METTL8: variants seen among roughly 807,000 people sequenced by gnomAD.
METTL8 encodes methyltransferase 8, tRNA N3-cytidine, also known as tRNA N(3)-cytidine methyltransferase METTL8, mitochondrial.
A neutral mutation model predicts 48.7 loss-of-function variants in METTL8; 32 were observed. The observed-to-expected ratio is 0.66, with a 90% CI of 0.50 to 0.88. METTL8 has a LOEUF of 0.88. METTL8 is among the 40% of genes least tolerant of loss of function. METTL8 has a pLI of 0.00. For missense variants in METTL8, 464 were observed against 474.4 expected (o/e 0.98, Z 0.20); for synonymous variants, 136 against 157.1 (o/e 0.87, Z 1.01).
Position 171,355,476 on chromosome 2 carries a change from C to A in METTL8, c.235+4946G>T, listed in dbSNP as rs531290197. Among the ~76,000 whole-genome samples, 6 of 152,246 alleles carry A rather than the reference C, an allele frequency of 3.9e-5. No individual in the cohort carries two copies. The South Asian group carries it at 1.0e-3, about 26-fold the overall frequency. Reference sequence around the variant, plus strand: ...GATCTCAAACTCTGTGCTGGGAGAACCACTACTCTCTTCAAAGCTGTCAGA... The same window carrying A: ...GATCTCAAACTCTGTGCTGGGAGAAACACTACTCTCTTCAAAGCTGTCAGA... On this transcript the variant is annotated intron_variant, in intron 3 of 9. Transcript: ENST00000375258.
chr2:171,416,350 T>C (rs1415775205), intron 1 of METTL8, among the ~76,000 whole-genome samples: 1 of 152,212 alleles, frequency 6.6e-6, no homozygotes, highest in Non-Finnish European at 1.5e-5. Context: ...CTTTGTATTC[T>C]CCAGCTAATT....
intron 3 of METTL8, among the ~76,000 whole-genome samples, chr2:171,350,229 C>T (rs1000609995): frequency 1.3e-5 from 2 of 152,094 alleles, no homozygotes; most frequent in Non-Finnish European, 2.9e-5. Context: ...TTTCTGTCCT[C>T]GCGACAGTTT....
In METTL8 at chr2:171,378,670, C is replaced by T. The variant is rs2105522651; in HGVS notation, c.143+13373G>A. 1.3e-5 allele frequency among the ~76,000 whole-genome samples: 2 copies of T among 152,032 alleles called. 1 individual carries two copies. Among genetic ancestry groups the T allele is most frequent in the South Asian group, 4.2e-4 (2 of 4,808 alleles). ...AAAAAATAAAAAAAGAAGGGTATTA[C>T]ATAATGGTAAAGGGATCAATTCACA... On this transcript the variant is annotated intron_variant, in intron 2 of 9. Transcript: ENST00000375258.
rs1240100802 is a variant in METTL8, at chr2:171,316,604, T to G, written c.*7568A>C. ...AGAGAGTGGTGGATTAAGAATATAT[T>G]CATGGAAAGGATAGATCTTCCTTGC... On this transcript the variant is annotated 3_prime_UTR_variant, in exon 10 of 10. Transcript: ENST00000375258. Among the ~76,000 whole-genome samples the G allele has an allele frequency of 2.0e-5, 3 of 152,214 alleles. No individual in the cohort carries two copies. Among genetic ancestry groups the G allele is most frequent in the Admixed American group, 6.5e-5 (1 of 15,286 alleles).
chr2:171,395,461 A>C (rs1688967868), intron 1 of METTL8, among the ~76,000 whole-genome samples: 1 of 152,244 alleles, frequency 6.6e-6, no homozygotes, highest in Non-Finnish European at 1.5e-5. Context: ...TTTATAAGGC[A>C]AGCACTTTAA....
chr2:171,389,031 AGTT>A (rs940347697), intron 2 of METTL8, among the ~76,000 whole-genome samples: 12 of 152,188 alleles, frequency 7.9e-5, no homozygotes, highest in Admixed American at 7.9e-4. Context: ...AAATGAGGCC[AGTT>A]GATTACCCTA....
intron 2 of METTL8, among the ~76,000 whole-genome samples, chr2:171,379,454 A>G (rs1184266498): frequency 6.6e-6 from 1 of 152,200 alleles, no homozygotes; most frequent in Non-Finnish European, 1.5e-5. Context: ...CCTTAAAAAA[A>G]AAAATCAATG....
At chr2:171,327,746 G>T (rs1685100947) in intron 7 of METTL8, among the ~76,000 whole-genome samples, 2 of 152,104 alleles carry the variant, frequency 1.3e-5, no homozygotes, top group Admixed American at 1.3e-4. Flanking sequence ...AAAGAAAAAA[G>T]AAACGTATTT....
chr2:171,410,164 C>A (rs1010603778), intron 1 of METTL8, among the ~76,000 whole-genome samples: 3 of 152,160 alleles, frequency 2.0e-5, no homozygotes, highest in African/African-American at 7.2e-5. Flanking sequence ...CGGTCTTATT[C>A]CTACGCTCAT....
At chr2:171,327,873 A>G (rs1384674626) in intron 7 of METTL8, among the ~76,000 whole-genome samples, 1 of 152,244 alleles carries the variant, frequency 6.6e-6, no homozygotes, top group African/African-American at 2.4e-5. Context: ...TATTTTACGT[A>G]CATAGCAAAA....
intron 3 of METTL8, among the ~76,000 whole-genome samples, chr2:171,350,292 T>G (rs1683759737): frequency 6.6e-6 from 1 of 152,268 alleles, no homozygotes; most frequent in Non-Finnish European, 1.5e-5. Context: ...GGACATGAAC[T>G]CATCCTTTTT....
At chr2:171,345,471 T>C (rs1687175308) in intron 3 of METTL8, among the ~76,000 whole-genome samples, 2 of 152,178 alleles carry the variant, frequency 1.3e-5, no homozygotes, top group Admixed American at 6.6e-5. Context: ...ATTCATTGTC[T>C]AATAAAAGAA....
At chr2:171,418,369 G>A (rs1321834054) in intron 1 of METTL8, among the ~76,000 whole-genome samples, 4 of 152,124 alleles carry the variant, frequency 2.6e-5, no homozygotes, top group African/African-American at 7.2e-5. Flanking sequence ...CACTGTTAAG[G>A]TATATGCCCC....
At chr2:171,434,402 C>T, upstream of METTL8, 2 of 1,133,422 alleles carry the variant, frequency 1.8e-6, no homozygotes, top group Non-Finnish European at 2.5e-6. Flanking sequence ...AGCGGCTCTG[C>T]TTTCCCTCGC....
intron 6 of METTL8, 96 bp downstream of exon 6, chr2:171,331,708 C>A (rs149463629): frequency 2.1e-6 from 2 of 972,684 alleles, no homozygotes; most frequent in South Asian, 2.8e-5. Context: ...TGAGCCACCA[C>A]GCCCTGCCTC....
At chr2:171,343,988 T>C (rs1687031338) in intron 3 of METTL8, among the ~76,000 whole-genome samples, 1 of 152,216 alleles carries the variant, frequency 6.6e-6, no homozygotes, top group Admixed American at 6.5e-5. Flanking sequence ...CTCTAGCCTA[T>C]GTAATATTAG....
chr2:171,326,020 C>T (rs1337206852), intron 8 of METTL8, 22 bp downstream of exon 8: 3 of 1,412,128 alleles, frequency 2.1e-6, no homozygotes, highest in Non-Finnish European at 2.9e-6. Flanking sequence ...TAAAAATAAC[C>T]TCAAACTGAA....
intron 2 of METTL8, among the ~76,000 whole-genome samples, chr2:171,363,815 T>TATATATATAC (rs55780524): frequency 7.3e-6 from 1 of 136,820 alleles, no homozygotes; most frequent in Non-Finnish European, 1.6e-5. Flanking sequence ...TATATATATA[T>TATATATATAC]CTTTTTTTTT....
chr2:171,434,630 T>A, upstream of METTL8: 1 of 1,532,380 alleles, frequency 6.5e-7, no homozygotes, highest in Non-Finnish European at 8.7e-7. Context: ...CGCCGGGCGC[T>A]GGGCTGCTTC....
Sources: gnomAD v4.1 joint callset for allele counts (sites outside exome capture counted in the v4.1 genomes callset) on GRCh38, gnomAD v4.1.1 for gene constraint, MANE v1.5 for transcripts, NCBI Gene and HGNC (gene_info 2026-07-23, HGNC 2026-07-21) for gene names.